The following BABAM2 variants were observed in gnomAD, a reference collection of about 807,000 sequenced individuals.
The protein encoded by BABAM2 is BRISC and BRCA1 A complex member 2.
BABAM2 carries 31 observed loss-of-function variants against 54.7 expected under a neutral mutation model. The ratio of observed to expected loss-of-function variants is 0.57; its 90% CI spans 0.43 to 0.77. The LOEUF is 0.77. Ranked by LOEUF, BABAM2 falls within the 30% of genes least tolerant of loss-of-function variation. The pLI is 0.00. For synonymous variants in BABAM2, 167 were observed against 162.9 expected, an observed-to-expected ratio of 1.03 and a Z score of -0.19; for missense variants, 364 against 455.8, an observed-to-expected ratio of 0.80 and a Z score of 1.83.
chr2:28,060,692 CAAGT>C (rs1221575892), intron 6 of BABAM2, among the ~76,000 whole-genome samples: 1 of 151,840 alleles, frequency 6.6e-6, no homozygotes, highest in East Asian at 1.9e-4. Context: ...TATAGGCTAA[CAAGT>C]AATTAAAATT....
chr2:27,975,462 A>G (rs1041210103), intron 3 of BABAM2, among the ~76,000 whole-genome samples: 2 of 152,116 alleles, frequency 1.3e-5, no homozygotes, highest in African/African-American at 4.8e-5. Flanking sequence ...AAAAACGCAA[A>G]GGCACTTCAA....
chr2:27,961,675 T>A (rs1670479259), intron 3 of BABAM2, among the ~76,000 whole-genome samples: 2 of 151,848 alleles, frequency 1.3e-5, no homozygotes, highest in South Asian at 4.2e-4. Context: ...GGATTTGTGA[T>A]TCACTTCTAT....
intron 3 of BABAM2, among the ~76,000 whole-genome samples, chr2:27,975,090 A>T (rs1055819874): frequency 1.3e-5 from 2 of 152,094 alleles, no homozygotes; most frequent in African/African-American, 4.8e-5. Flanking sequence ...ATACAGAGAT[A>T]TATAATATAT....
At chr2:28,050,223 T>C (rs1460846631) in intron 6 of BABAM2, among the ~76,000 whole-genome samples, 1 of 152,244 alleles carries the variant, frequency 6.6e-6, no homozygotes, top group African/African-American at 2.4e-5. Flanking sequence ...AAAACTACTA[T>C]CTTTTAAGTA....
chr2:28,033,435 A>G (rs1295307036), intron 5 of BABAM2, among the ~76,000 whole-genome samples: 1 of 152,112 alleles, frequency 6.6e-6, no homozygotes, highest in African/African-American at 2.4e-5. Flanking sequence ...ATCTGATAAG[A>G]GCCTTCTTGA....
intron 7 of BABAM2, among the ~76,000 whole-genome samples, chr2:28,196,197 G>A (rs923829026): frequency 6.6e-6 from 1 of 151,870 alleles, no homozygotes; most frequent in African/African-American, 2.4e-5. Context: ...CATGGTGGCG[G>A]GTGCCTGTAG....
intron 3 of BABAM2, among the ~76,000 whole-genome samples, chr2:27,983,942 C>CTTTTCTTTTTTTTTTTTTTTTTTT (rs1672198377): frequency 3.2e-5 from 1 of 31,140 alleles, no homozygotes; most frequent in Admixed American, 2.9e-4. Flanking sequence ...CATTTTGTAC[C>CTTTTCTTTTTTTTTTTTTTTTTTT]TTTTTTTTTT....
At chr2:28,275,304 A>G (rs548278129) in intron 10 of BABAM2, among the ~76,000 whole-genome samples, 3 of 152,350 alleles carry the variant, frequency 2.0e-5, no homozygotes, top group Non-Finnish European at 2.9e-5. Context: ...CCAAACATGA[A>G]TGAGAAATCC....
chr2:28,023,362 T>C (rs548687711), intron 4 of BABAM2, among the ~76,000 whole-genome samples: 33 of 152,320 alleles, frequency 2.2e-4, no homozygotes, highest in African/African-American at 7.2e-4. Context: ...AAATGAAATA[T>C]TGTATTTTAT....
chr2:27,915,021 C>G (rs1434293465), intron 2 of BABAM2, among the ~76,000 whole-genome samples: 1 of 152,026 alleles, frequency 6.6e-6, no homozygotes. Context: ...CTTTGTTTCC[C>G]TGTAAATTTC....
chr2:28,084,815 T>C (rs1045794018), intron 6 of BABAM2, among the ~76,000 whole-genome samples: 1 of 152,094 alleles, frequency 6.6e-6, no homozygotes, highest in African/African-American at 2.4e-5. Flanking sequence ...TAAGAAACCA[T>C]GAAAAAGAGA....
chr2:28,307,621 CT>C (rs955856884), intron 11 of BABAM2: 8 of 151,890 alleles, frequency 5.3e-5, no homozygotes, highest in Non-Finnish European at 1.0e-4. Flanking sequence ...ATCTGTGTAC[CT>C]TCTATTTATC....
At chr2:27,890,286 C>G (rs577283069), upstream of BABAM2, 21 of 1,613,890 alleles carry the variant, frequency 1.3e-5, no homozygotes, top group Non-Finnish European at 1.7e-5. The surrounding 1 kb of genome is among the most constrained non-coding windows in gnomAD (Gnocchi z 4.8). Flanking sequence ...AGGAGCCCAC[C>G]ACTACCACCG....
chr2:28,315,558 C>T (rs562598221), intron 11 of BABAM2, among the ~76,000 whole-genome samples: 9 of 151,622 alleles, frequency 5.9e-5, no homozygotes, highest in Non-Finnish European at 1.2e-4. Context: ...GACTTGAATT[C>T]CTGGGCTCAA....
chr2:27,930,553 G>C (rs1318353594), intron 3 of BABAM2, among the ~76,000 whole-genome samples: 1 of 152,172 alleles, frequency 6.6e-6, no homozygotes, highest in Non-Finnish European at 1.5e-5. Context: ...GACGTCTGAA[G>C]TTTTACCTGA....
At chr2:28,134,742 A>G (rs1670394304) in intron 7 of BABAM2, among the ~76,000 whole-genome samples, 1 of 152,250 alleles carries the variant, frequency 6.6e-6, no homozygotes, top group African/African-American at 2.4e-5. Context: ...TTCAGGCAAC[A>G]GAAACCCAAT....
chr2:28,178,951 A>G (rs1307426011), intron 7 of BABAM2, among the ~76,000 whole-genome samples: 1 of 152,142 alleles, frequency 6.6e-6, no homozygotes, highest in African/African-American at 2.4e-5. Flanking sequence ...AAAAAACAGA[A>G]AACCTGAACA....
At chr2:28,028,827 C>T (rs1188344214) in intron 5 of BABAM2, among the ~76,000 whole-genome samples, 1 of 151,968 alleles carries the variant, frequency 6.6e-6, no homozygotes, top group East Asian at 1.9e-4. Context: ...AGTGCAGTGG[C>T]GTACTCTCGG....
intron 6 of BABAM2, among the ~76,000 whole-genome samples, chr2:28,076,566 G>A (rs954259637): frequency 9.2e-5 from 14 of 151,946 alleles, no homozygotes; most frequent in Admixed American, 7.2e-4. Flanking sequence ...TGCGGTCTCC[G>A]CTCACTGCAA....
Sources: allele counts gnomAD v4.1 joint callset (sites outside exome capture counted in the v4.1 genomes callset), GRCh38; gene constraint gnomAD v4.1.1; non-coding constraint Gnocchi (gnomAD v3.1); transcripts MANE v1.5; gene names NCBI Gene and HGNC (gene_info 2026-07-23, HGNC 2026-07-21).